The following ATP8B4 variants were observed in gnomAD, a reference collection of about 807,000 sequenced individuals.
ATP8B4 encodes ATPase phospholipid transporting 8B4 (putative), also known as probable phospholipid-transporting ATPase IM.
A neutral mutation model predicts 145.6 loss-of-function variants in ATP8B4; 133 were observed. That is an observed-to-expected ratio of 0.91 (90% CI 0.79 to 1.05). The LOEUF is 1.05. Among genes scored for constraint, ATP8B4 ranks in the 50% least tolerant of loss-of-function variants. The probability of loss-of-function intolerance (pLI) is 0.00; values close to 1 mark genes in which losing one functional copy is unlikely to be tolerated. For missense variants in ATP8B4, 1,458 were observed against 1,425.2 expected (o/e 1.02, Z -0.37); for synonymous variants, 507 against 492.9 (o/e 1.03, Z -0.38).
chr15:50,076,945 C>T (rs1205180595), intron 2 of ATP8B4, among the ~76,000 whole-genome samples: 1 of 152,120 alleles, frequency 6.6e-6, no homozygotes, highest in Non-Finnish European at 1.5e-5. Flanking sequence ...ATATAAAGAC[C>T]TTTTGGCAAT....
At chr15:50,034,268 T>A (rs572217295) in intron 6 of ATP8B4, among the ~76,000 whole-genome samples, 34 of 149,664 alleles carry the variant, frequency 2.3e-4, no homozygotes, top group Non-Finnish European at 4.3e-4. Flanking sequence ...TTCACTCTTG[T>A]CACCCAGGCT....
intron 2 of ATP8B4, among the ~76,000 whole-genome samples, chr15:50,085,911 TTATA>T (rs1436396650): frequency 1.1e-5 from 1 of 92,046 alleles, no homozygotes; most frequent in Non-Finnish European, 1.9e-5. Flanking sequence ...TCATATATAT[TTATA>T]TATGATATAT....
intron 8 of ATP8B4, among the ~76,000 whole-genome samples, chr15:49,998,857 G>T (rs1471089774): frequency 6.6e-6 from 1 of 152,092 alleles, no homozygotes; most frequent in Non-Finnish European, 1.5e-5. Context: ...TTCTTCTAGG[G>T]TTTTTATGGT....
intron 20 of ATP8B4, among the ~76,000 whole-genome samples, chr15:49,906,753 T>C (rs2038668965): frequency 1.3e-5 from 2 of 152,154 alleles, no homozygotes; most frequent in African/African-American, 2.4e-5. Context: ...GTCAAGGCAT[T>C]AAAATGATGA....
At chr15:50,132,962 G>A (rs879517077) in intron 1 of ATP8B4, among the ~76,000 whole-genome samples, 8 of 139,730 alleles carry the variant, frequency 5.7e-5, no homozygotes, top group Admixed American at 2.3e-4. Context: ...GCCTGTTGAG[G>A]GGTGGTGGGC....
intron 5 of ATP8B4, among the ~76,000 whole-genome samples, chr15:50,039,580 T>C (rs1035015879): frequency 4.6e-5 from 7 of 152,106 alleles, no homozygotes; most frequent in Non-Finnish European, 1.0e-4. Context: ...AAAAGTAATA[T>C]AGAGAAAATG....
chr15:49,886,898 C>T (rs1263564486), intron 23 of ATP8B4, among the ~76,000 whole-genome samples: 1 of 152,048 alleles, frequency 6.6e-6, no homozygotes, highest in Non-Finnish European at 1.5e-5. Context: ...CAGCCTCTGC[C>T]CCCTGGGTTC....
chr15:50,009,981 G>C (rs776101963), intron 7 of ATP8B4, among the ~76,000 whole-genome samples: 1 of 152,110 alleles, frequency 6.6e-6, no homozygotes, highest in African/African-American at 2.4e-5. Context: ...TACACAGATG[G>C]TGCATTAATG....
At chr15:50,021,137 T>C (rs971263719) in intron 6 of ATP8B4, among the ~76,000 whole-genome samples, 2 of 150,472 alleles carry the variant, frequency 1.3e-5, no homozygotes, top group African/African-American at 5.0e-5. Context: ...GATAGATAGA[T>C]AGATAGATAG....
intron 14 of ATP8B4, among the ~76,000 whole-genome samples, chr15:49,952,076 G>T (rs2043153450): frequency 6.6e-6 from 1 of 152,150 alleles, no homozygotes; most frequent in South Asian, 2.1e-4. Flanking sequence ...ATAGTCTGAT[G>T]GGCTTCCCTC....
chr15:50,151,962 A>G (rs2044353683), intron 1 of ATP8B4, among the ~76,000 whole-genome samples: 1 of 152,192 alleles, frequency 6.6e-6, no homozygotes. Flanking sequence ...TCTGGAAAAC[A>G]AAACACTTGA....
chr15:50,118,281 T>C lies in ATP8B4; in HGVS notation c.-43+842A>G, dbSNP rs549293233. Among the ~76,000 whole-genome samples the C allele has an allele frequency of 9.7e-4, 147 of 152,312 alleles. 1 individual carries two copies. The highest frequency in any genetic ancestry group is 1.9e-3 in the Non-Finnish European group (128 of 68,024). On this transcript the variant is annotated intron_variant, in intron 1 of 27. Coordinates refer to ENST00000284509, the MANE Select transcript of ATP8B4 (RefSeq NM_024837.4). Reference sequence around the variant, plus strand: ...TGATATATATGCTAATTACACATCGTATGCATATACCAAAATATCACATGT... The same window carrying C: ...TGATATATATGCTAATTACACATCGCATGCATATACCAAAATATCACATGT...
At chr15:49,868,250 A>G (rs2033123383) in intron 25 of ATP8B4, among the ~76,000 whole-genome samples, 1 of 152,234 alleles carries the variant, frequency 6.6e-6, no homozygotes, top group South Asian at 2.1e-4. Flanking sequence ...ACTGTGAAAC[A>G]ACACAAAATT....
chr15:50,032,197 CT>C (rs1353816536), intron 6 of ATP8B4, among the ~76,000 whole-genome samples: 4 of 152,024 alleles, frequency 2.6e-5, no homozygotes, highest in Non-Finnish European at 4.4e-5. Context: ...CCCCCACCCC[CT>C]GACAGGCCCT....
At chr15:49,886,008 G>A (rs2036140710) in intron 23 of ATP8B4, 1 of 152,212 alleles carries the variant, frequency 6.6e-6, no homozygotes, top group African/African-American at 2.4e-5. Context: ...GCCTCCATGA[G>A]TGGCTTCTGG....
intron 24 of ATP8B4, among the ~76,000 whole-genome samples, chr15:49,877,044 A>G (rs543975974): frequency 6.6e-6 from 1 of 152,292 alleles, no homozygotes; most frequent in South Asian, 2.1e-4. Context: ...GAAAAGGGGA[A>G]ACTGCATTTG....
chr15:50,026,431 C>G (rs572023059), intron 6 of ATP8B4, among the ~76,000 whole-genome samples: 12 of 152,216 alleles, frequency 7.9e-5, no homozygotes, highest in African/African-American at 2.6e-4. Flanking sequence ...GGAATCTGCA[C>G]CTGGGTGATT....
chr15:50,033,924 T>C (rs2050635195), intron 6 of ATP8B4, among the ~76,000 whole-genome samples: 1 of 152,230 alleles, frequency 6.6e-6, no homozygotes, highest in Non-Finnish European at 1.5e-5. Context: ...TAGTATTCCA[T>C]GGTGTATATA....
chr15:49,954,802 A>C (rs1319925583), intron 14 of ATP8B4, among the ~76,000 whole-genome samples: 1 of 152,208 alleles, frequency 6.6e-6, no homozygotes, highest in Admixed American at 6.5e-5. Context: ...CTACCATTTG[A>C]CTCAGCAACC....
Sources: allele counts gnomAD v4.1 joint callset (sites outside exome capture counted in the v4.1 genomes callset), GRCh38; gene constraint gnomAD v4.1.1; transcripts MANE v1.5; gene names NCBI Gene and HGNC (gene_info 2026-07-23, HGNC 2026-07-21).